The following GPC5 variants were observed in gnomAD, a reference collection of about 807,000 sequenced individuals.
The protein encoded by GPC5 is glypican 5.
GPC5 carries 47 observed loss-of-function variants against 53.9 expected under a neutral mutation model. The ratio of observed to expected loss-of-function variants is 0.87; its 90% confidence interval spans 0.69 to 1.11. GPC5 has a LOEUF of 1.11. Among genes scored for constraint, GPC5 ranks in the 50% most tolerant of loss-of-function variants. The pLI is 0.00. For synonymous variants in GPC5, 286 were observed against 263.3 expected (o/e 1.09, Z -0.84); for missense variants, 748 against 713.1 (o/e 1.05, Z -0.56).
chr13:92,616,698 T>C (rs1272211076), intron 7 of GPC5, among the ~76,000 whole-genome samples: 1 of 152,206 alleles, frequency 6.6e-6, no homozygotes, highest in African/African-American at 2.4e-5. Context: ...TGTCCAACTT[T>C]AAAGATGGGC....
intron 6 of GPC5, among the ~76,000 whole-genome samples, chr13:92,131,609 A>G (rs1485945963): frequency 1.3e-5 from 2 of 152,048 alleles, no homozygotes; most frequent in Non-Finnish European, 2.9e-5. Context: ...TATTTTTATG[A>G]AGCTCATTAA....
At chr13:91,963,073 ATG>A (rs1279658823) in intron 6 of GPC5, among the ~76,000 whole-genome samples, 1 of 152,042 alleles carries the variant, frequency 6.6e-6, no homozygotes, top group Non-Finnish European at 1.5e-5. Context: ...ACTGGTTACT[ATG>A]TGTCTTTGGG....
intron 7 of GPC5, among the ~76,000 whole-genome samples, chr13:92,513,260 C>T (rs1880641585): frequency 6.6e-6 from 1 of 152,120 alleles, no homozygotes; most frequent in Non-Finnish European, 1.5e-5. Context: ...TTTTAGGAAT[C>T]ATTGACAGTG....
At chr13:91,679,658 A>G (rs2035462458) in intron 2 of GPC5, among the ~76,000 whole-genome samples, 2 of 152,252 alleles carry the variant, frequency 1.3e-5, no homozygotes, top group African/African-American at 2.4e-5. Context: ...GGTGGCATCA[A>G]ACTGTACTTT....
intron 7 of GPC5, among the ~76,000 whole-genome samples, chr13:92,517,331 GA>G (rs1243715037): frequency 6.6e-6 from 1 of 152,194 alleles, no homozygotes; most frequent in Non-Finnish European, 1.5e-5. Context: ...CAGCTTTGAA[GA>G]GAGTAGTGTT....
At chr13:91,740,689 A>G (rs185813668) in intron 4 of GPC5, among the ~76,000 whole-genome samples, 100 of 152,314 alleles carry the variant, frequency 6.6e-4, no homozygotes, top group African/African-American at 2.2e-3. Context: ...TCCTTTAAAC[A>G]GCCAGCAAAG....
At chr13:92,011,490 T>C (rs2040661101) in intron 6 of GPC5, among the ~76,000 whole-genome samples, 1 of 152,132 alleles carries the variant, frequency 6.6e-6, no homozygotes, top group African/African-American at 2.4e-5. Context: ...AATATTGAAT[T>C]TTGATTTATA....
intron 6 of GPC5, among the ~76,000 whole-genome samples, chr13:92,132,986 T>G (rs2041756478): frequency 6.6e-6 from 1 of 152,104 alleles, no homozygotes; most frequent in Non-Finnish European, 1.5e-5. Context: ...ATAAGAAATT[T>G]TAAGCTCCTC....
chr13:91,778,208 T>C (rs977639694), intron 5 of GPC5, among the ~76,000 whole-genome samples: 2 of 152,208 alleles, frequency 1.3e-5, no homozygotes, highest in African/African-American at 4.8e-5. Flanking sequence ...ACTTTTGTTC[T>C]CTTTTCAACA....
intron 2 of GPC5, among the ~76,000 whole-genome samples, chr13:91,495,272 C>G (rs1042442666): frequency 6.6e-5 from 10 of 152,174 alleles, no homozygotes; most frequent in African/African-American, 2.2e-4. Flanking sequence ...TATTAATATT[C>G]TTTTTAATCT....
chr13:92,740,052 T>TA (rs1020029128), intron 7 of GPC5, among the ~76,000 whole-genome samples: 4 of 151,984 alleles, frequency 2.6e-5, no homozygotes, highest in Admixed American at 6.6e-5. Context: ...TTGTTTCCTA[T>TA]AACCTTCCTT....
intron 7 of GPC5, among the ~76,000 whole-genome samples, chr13:92,536,239 T>C (rs986435095): frequency 1.1e-4 from 16 of 152,266 alleles, no homozygotes; most frequent in Admixed American, 5.2e-4. Context: ...CAACTATCCA[T>C]GTCAGCTACA....
At chr13:91,745,143 G>T (rs1333219562) in intron 4 of GPC5, among the ~76,000 whole-genome samples, 1 of 151,938 alleles carries the variant, frequency 6.6e-6, no homozygotes, top group Non-Finnish European at 1.5e-5. Flanking sequence ...TTTTTTTAAG[G>T]CACATTTTTA....
chr13:91,938,532 T>G, intron 6 of GPC5, among the ~76,000 whole-genome samples: 1 of 152,142 alleles, frequency 6.6e-6, no homozygotes. Context: ...GATTGATTCC[T>G]TTGAACTAAG....
intron 7 of GPC5, among the ~76,000 whole-genome samples, chr13:92,399,566 G>A (rs773882804): frequency 6.6e-6 from 1 of 152,016 alleles, no homozygotes; most frequent in Non-Finnish European, 1.5e-5. Context: ...AAACCATGAC[G>A]CAGAGGCCTG....
intron 7 of GPC5, among the ~76,000 whole-genome samples, chr13:92,704,366 A>G (rs1887869086): frequency 6.6e-6 from 1 of 152,030 alleles, no homozygotes; most frequent in African/African-American, 2.4e-5. Flanking sequence ...ACAAATATTG[A>G]CTACTAATGC....
chr13:92,068,475 G>T (rs7986569), intron 6 of GPC5, among the ~76,000 whole-genome samples: 83,836 of 151,188 alleles, frequency 0.55, 23,573 homozygotes, highest in East Asian at 0.79. Context: ...GACCAGTGTA[G>T]TTCTTTCTTG....
intron 7 of GPC5, among the ~76,000 whole-genome samples, chr13:92,217,936 T>TA (rs1555320190): frequency 4.1e-5 from 6 of 144,796 alleles, no homozygotes; most frequent in Admixed American, 1.4e-4. Context: ...TTTTTTTTTT[T>TA]AGGCAGGGTC....
chr13:91,641,236 G>A (rs956540826), intron 2 of GPC5, among the ~76,000 whole-genome samples: 1 of 152,192 alleles, frequency 6.6e-6, no homozygotes, highest in Admixed American at 6.5e-5. Flanking sequence ...GCTGAGGCAG[G>A]AGAATGGCGT....
Sources: allele counts gnomAD v4.1 joint callset (sites outside exome capture counted in the v4.1 genomes callset), GRCh38; gene constraint gnomAD v4.1.1; transcripts MANE v1.5; gene names NCBI Gene and HGNC (gene_info 2026-07-23, HGNC 2026-07-21).